WDFY3: variants seen among roughly 807,000 people sequenced by gnomAD.
WDFY3 encodes the protein WD repeat and FYVE domain containing 3.
WDFY3 carries 66 observed loss-of-function variants against 409.6 expected under a neutral mutation model. The ratio of observed to expected loss-of-function variants is 0.16; its 90% CI spans 0.13 to 0.20. WDFY3 has a LOEUF of 0.20. Ranked by LOEUF, WDFY3 falls within the 10% of genes least tolerant of loss-of-function variation. The pLI, the probability that WDFY3 is intolerant of heterozygous loss-of-function variation, is 1.00. For missense variants in WDFY3, 3,031 were observed against 4,298.1 expected (o/e 0.71, Z 8.24); for synonymous variants, 1,521 against 1,537.1 (o/e 0.99, Z 0.25).
chr4:84,882,656 C>T (rs531760768), intron 3 of WDFY3, among the ~76,000 whole-genome samples: 15 of 151,196 alleles, frequency 9.9e-5, no homozygotes, highest in South Asian at 6.3e-4. Context: ...ATCAGGGACA[C>T]AAAAATTACT....
chr4:84,824,823 A>T (rs1240633361), intron 10 of WDFY3, among the ~76,000 whole-genome samples: 1 of 152,208 alleles, frequency 6.6e-6, no homozygotes, highest in African/African-American at 2.4e-5. Flanking sequence ...GCTATTTCCT[A>T]TGATCCTTGC....
chr4:84,795,027 T>C (rs1304359529), intron 19 of WDFY3, 48 bp from the exon 20 acceptor site: 2 of 1,351,220 alleles, frequency 1.5e-6, no homozygotes, highest in Non-Finnish European at 2.0e-6. Flanking sequence ...TGACTCCTTC[T>C]CTTAACACTG....
Position 84,729,678 on chromosome 4 carries a change from TTA to T in WDFY3, c.7222-2769_7222-2768del, listed in dbSNP as rs1736258323. Among the ~76,000 whole-genome samples, 4 of 45,870 alleles carry T rather than the reference TTA, an allele frequency of 8.7e-5. No individual in the cohort carries two copies. The South Asian group carries it at 4.7e-3, about 54-fold the overall frequency. 30.1% of individuals were successfully genotyped at this position (45,870 alleles called of 152,430 possible). A position where few individuals can be genotyped will look rare whatever the true frequency, so the allele number is the denominator to read the frequency against. ...TTATCAAAGTTTAAGAAATAAAACTTTAATGAGTAAAAAAAAAAAATCACCTG... is the reference window on the plus strand; with the variant it reads ...TTATCAAAGTTTAAGAAATAAAACTTATGAGTAAAAAAAAAAAATCACCTG... On this transcript the variant is annotated intron_variant, in intron 44 of 67. Transcript: ENST00000295888.
At chr4:84,745,161 G>C (rs942008153) in intron 36 of WDFY3, among the ~76,000 whole-genome samples, 1 of 152,164 alleles carries the variant, frequency 6.6e-6, no homozygotes, top group African/African-American at 2.4e-5. Context: ...ATCTGATCCA[G>C]TGAGTAGCAA....
intron 56 of WDFY3, among the ~76,000 whole-genome samples, chr4:84,697,950 T>A (rs1730402104): frequency 6.6e-6 from 1 of 152,212 alleles, no homozygotes; most frequent in African/African-American, 2.4e-5. Context: ...ATCAGTTTGT[T>A]GTTTAAAGGA....
At chr4:84,674,080 C>T (rs572840305) in intron 67 of WDFY3, among the ~76,000 whole-genome samples, 14 of 152,292 alleles carry the variant, frequency 9.2e-5, no homozygotes, top group African/African-American at 3.4e-4. Context: ...GCTGTGTGTT[C>T]TGGAAAGCAC....
chr4:84,951,223 T>G (rs1010737699), intron 1 of WDFY3, among the ~76,000 whole-genome samples: 7 of 152,240 alleles, frequency 4.6e-5, no homozygotes, highest in Admixed American at 1.3e-4. Context: ...CATCCGGGAA[T>G]GAGTTACTGG....
chr4:84,724,905 C>T (rs1260800329), intron 45 of WDFY3, among the ~76,000 whole-genome samples: 2 of 152,130 alleles, frequency 1.3e-5, no homozygotes, highest in African/African-American at 2.4e-5. Flanking sequence ...CCTCCCCATC[C>T]GGTAAAGAGA....
chr4:84,939,986 C>T (rs1771908536), intron 1 of WDFY3, among the ~76,000 whole-genome samples: 3 of 152,120 alleles, frequency 2.0e-5, no homozygotes, highest in Admixed American at 2.0e-4. Context: ...CATGCAATTA[C>T]ATGTACATAT....
At chr4:84,749,941 C>A (rs959279259) in intron 36 of WDFY3, among the ~76,000 whole-genome samples, 1 of 151,952 alleles carries the variant, frequency 6.6e-6, no homozygotes, top group Non-Finnish European at 1.5e-5. Flanking sequence ...ATATAGAAAA[C>A]AAAAATAAAG....
At chr4:84,735,347 G>C (rs561371270) in intron 42 of WDFY3, among the ~76,000 whole-genome samples, 9 of 152,146 alleles carry the variant, frequency 5.9e-5, no homozygotes, top group African/African-American at 2.2e-4. Context: ...TGCTGCCCAC[G>C]TGTCTGGGCT....
chr4:84,698,162 C>T (rs1730448564), intron 56 of WDFY3, among the ~76,000 whole-genome samples: 1 of 152,048 alleles, frequency 6.6e-6, no homozygotes, highest in Non-Finnish European at 1.5e-5. Flanking sequence ...AATTTTGCTA[C>T]AATCCTTGAA....
intron 13 of WDFY3, among the ~76,000 whole-genome samples, chr4:84,812,093 T>C (rs1039916462): frequency 2.0e-5 from 3 of 152,204 alleles, no homozygotes; most frequent in Non-Finnish European, 1.5e-5. Context: ...TTTTGACATA[T>C]ACTGTTTCAG....
chr4:84,767,809 G>A (rs1009907246), intron 30 of WDFY3, among the ~76,000 whole-genome samples: 9 of 152,174 alleles, frequency 5.9e-5, no homozygotes, highest in Non-Finnish European at 1.2e-4. Flanking sequence ...TTGGGGGCCA[G>A]GTGCACTGGC....
At chr4:84,940,936 G>C (rs1263118048) in intron 1 of WDFY3, among the ~76,000 whole-genome samples, 1 of 151,856 alleles carries the variant, frequency 6.6e-6, no homozygotes, top group African/African-American at 2.4e-5. Context: ...AATCTCAATA[G>C]ATATTTTAAA....
In WDFY3 at chr4:84,727,012, G is replaced by A. The variant is rs1578265889; in HGVS notation, c.7222-101C>T. On this transcript the variant is annotated intron_variant, in intron 44 of 67. Transcript: ENST00000295888. ...GAGGATTGTATGAAATATGAAAGAT[G>A]TAGTTACTCAAACAAAATTAACATG... is the stretch of plus-strand genomic sequence containing the variant. 5.7e-6 allele frequency: 6 copies of A among 1,061,618 alleles called. No homozygotes were observed. The East Asian group carries it at 1.5e-4, about 26-fold the overall frequency. The allele number at this position is 1,061,618 out of a possible 1,614,324, so 65.8% of individuals were successfully genotyped here.
chr4:84,808,568 A>T (rs1751923661), intron 14 of WDFY3, 151 bp from the exon 15 acceptor site: 2 of 616,104 alleles, frequency 3.2e-6, no homozygotes, highest in Admixed American at 5.7e-5. Context: ...AGACTACAAC[A>T]CAAGCACTGA....
chr4:84,827,475 G>T (rs569138967), intron 9 of WDFY3, among the ~76,000 whole-genome samples: 1 of 152,078 alleles, frequency 6.6e-6, no homozygotes, highest in East Asian at 1.9e-4. Flanking sequence ...AAGCTTTCAG[G>T]GGCCATGCAG....
intron 67 of WDFY3, among the ~76,000 whole-genome samples, chr4:84,676,675 T>TA (rs528929044): frequency 1.4e-3 from 215 of 152,058 alleles, no homozygotes; most frequent in African/African-American, 5.0e-3. Flanking sequence ...CGACAGTAGT[T>TA]AAAATGAATA....
Sources: gnomAD v4.1 joint callset for allele counts (sites outside exome capture counted in the v4.1 genomes callset) on GRCh38, gnomAD v4.1.1 for gene constraint, MANE v1.5 for transcripts, NCBI Gene and HGNC (gene_info 2026-07-23, HGNC 2026-07-21) for gene names.